The following CACNA2D3 variants were observed in gnomAD, a reference collection of about 807,000 sequenced individuals.
CACNA2D3 encodes calcium voltage-gated channel auxiliary subunit alpha2delta 3.
A neutral mutation model predicts 160.6 loss-of-function variants in CACNA2D3; 60 were observed. The ratio of observed to expected loss-of-function variants is 0.37; its 90% CI spans 0.30 to 0.46. CACNA2D3 has a LOEUF of 0.46. CACNA2D3 is among the 20% of genes least tolerant of loss of function. CACNA2D3 has a pLI of 1.00. For synonymous variants in CACNA2D3, 558 were observed against 492.9 expected (o/e 1.13, Z -1.75); for missense variants, 1,205 against 1,365.0 (o/e 0.88, Z 1.85).
intron 14 of CACNA2D3, among the ~76,000 whole-genome samples, chr3:54,821,624 T>G (rs1206414360): frequency 6.6e-6 from 1 of 151,644 alleles, no homozygotes; most frequent in Non-Finnish European, 1.5e-5. Context: ...GAAGCCTTCG[T>G]TTTTCTAGAG....
At chr3:54,355,466 G>T (rs532401763) in intron 3 of CACNA2D3, among the ~76,000 whole-genome samples, 1 of 152,282 alleles carries the variant, frequency 6.6e-6, no homozygotes, top group East Asian at 1.9e-4. Context: ...GAGATGGAGA[G>T]AGGTATGGTC....
intron 10 of CACNA2D3, 145 bp from the exon 11 acceptor site, chr3:54,641,983 C>T: frequency 2.0e-6 from 1 of 511,302 alleles, no homozygotes; most frequent in Non-Finnish European, 3.4e-6. Flanking sequence ...TGTGGAAAGA[C>T]TTTTTGTATA....
rs10677482 is a variant in CACNA2D3, at chr3:54,226,312, C to CTTTTTTT, written c.205-94117_205-94111dup. On this transcript the variant is annotated intron_variant, in intron 2 of 37. Coordinates refer to ENST00000474759, the MANE Select transcript of CACNA2D3 (RefSeq NM_018398.3). ...AATTCCCCGCCTCCTGCCCCTGATG[C>CTTTTTTT]TTTTTTTTTTTTTTTTTTTGGAGAC... Among the ~76,000 whole-genome samples, 54 of 106,876 alleles carry CTTTTTTT rather than the reference C, an allele frequency of 5.1e-4. 2 individuals carry two copies. The highest frequency in any genetic ancestry group is 1.8e-3 in the African/African-American group (48 of 26,456). 70.1% of individuals were successfully genotyped at this position (106,876 alleles called of 152,430 possible).
intron 3 of CACNA2D3, among the ~76,000 whole-genome samples, chr3:54,339,840 G>T (rs373620301): frequency 6.6e-6 from 1 of 152,178 alleles, no homozygotes; most frequent in African/African-American, 2.4e-5. Context: ...ACTCACTCCT[G>T]TTAATTACAG....
chr3:54,806,077 C>G (rs1453772159), intron 13 of CACNA2D3, among the ~76,000 whole-genome samples: 5 of 152,178 alleles, frequency 3.3e-5, no homozygotes, highest in African/African-American at 1.2e-4. Flanking sequence ...CTATCTATGA[C>G]AAACCCACAG....
chr3:55,051,684 G>T (rs1704220583), intron 35 of CACNA2D3, among the ~76,000 whole-genome samples: 1 of 152,200 alleles, frequency 6.6e-6, no homozygotes. Context: ...CTGGGCAATG[G>T]CGGGCGCCCC....
chr3:54,895,146 G>A (rs1460412329), intron 25 of CACNA2D3, among the ~76,000 whole-genome samples: 1 of 152,120 alleles, frequency 6.6e-6, no homozygotes, highest in Non-Finnish European at 1.5e-5. Context: ...TATTAACAAA[G>A]TAGAGCACTT....
rs142956958 is a variant in CACNA2D3, at chr3:54,956,613, TCCTACAGAC to T, written c.2450-11833_2450-11825del. ...TTAGGCTGTCATAAATTCCTGCTCA[TCCTACAGAC>T]CCTGCCTCTTTAGTGGAGAGCTCTT... On this transcript the variant is annotated intron_variant, in intron 27 of 37. Transcript: ENST00000474759. 5.7e-3 allele frequency among the ~76,000 whole-genome samples: 864 copies of T among 152,266 alleles called. 6 individuals carry two copies. Among genetic ancestry groups the T allele is most frequent in the African/African-American group, 0.02 (832 of 41,560 alleles).
At chr3:55,043,728 A>G (rs925069494) in intron 35 of CACNA2D3, among the ~76,000 whole-genome samples, 2 of 152,152 alleles carry the variant, frequency 1.3e-5, no homozygotes, top group Admixed American at 6.5e-5. Context: ...AGGTCACAAA[A>G]GTTTTTCTTC....
intron 8 of CACNA2D3, among the ~76,000 whole-genome samples, chr3:54,578,920 GGAGACTGAA>G (rs1702631417): frequency 6.6e-6 from 1 of 152,178 alleles, no homozygotes; most frequent in Non-Finnish European, 1.5e-5. Flanking sequence ...GCCCCCAGAG[GGAGACTGAA>G]GGTGAATTAG....
chr3:54,364,063 G>GC (rs1169771219), intron 3 of CACNA2D3, among the ~76,000 whole-genome samples: 2 of 152,202 alleles, frequency 1.3e-5, no homozygotes, highest in African/African-American at 4.8e-5. Context: ...TGGCGCCTGA[G>GC]CCCCTGCAGG....
chr3:55,056,196 T>C (rs1050693866), intron 35 of CACNA2D3, among the ~76,000 whole-genome samples: 10 of 152,146 alleles, frequency 6.6e-5, no homozygotes, highest in Non-Finnish European at 1.3e-4. Context: ...AATAGATCTA[T>C]GAAAAACATG....
intron 3 of CACNA2D3, among the ~76,000 whole-genome samples, chr3:54,322,639 G>GT (rs1463437027): frequency 6.6e-6 from 1 of 152,132 alleles, no homozygotes; most frequent in Admixed American, 6.5e-5. Flanking sequence ...AACAGTAAAT[G>GT]TTCAGTAAAC....
intron 27 of CACNA2D3, among the ~76,000 whole-genome samples, chr3:54,934,456 CT>C (rs2106964772): frequency 6.6e-6 from 1 of 152,222 alleles, no homozygotes; most frequent in Admixed American, 6.5e-5. Flanking sequence ...CAAGGAATGC[CT>C]AGGATTATTC....
At chr3:54,479,990 C>G (rs533372975) in intron 4 of CACNA2D3, among the ~76,000 whole-genome samples, 1 of 152,068 alleles carries the variant, frequency 6.6e-6, no homozygotes, top group African/African-American at 2.4e-5. Flanking sequence ...CAATCTTTAG[C>G]CAAAATATGA....
chr3:54,718,560 T>C (rs1701107226), intron 11 of CACNA2D3, among the ~76,000 whole-genome samples: 1 of 152,090 alleles, frequency 6.6e-6, no homozygotes, highest in Admixed American at 6.5e-5. Context: ...ATGTTTGTAC[T>C]CTGTTTTAAT....
intron 16 of CACNA2D3, among the ~76,000 whole-genome samples, chr3:54,840,234 C>T (rs1698789180): frequency 6.6e-6 from 1 of 152,054 alleles, no homozygotes; most frequent in Non-Finnish European, 1.5e-5. Flanking sequence ...TCCTTTGTGT[C>T]CATTTCTCCA....
intron 35 of CACNA2D3, among the ~76,000 whole-genome samples, chr3:55,059,682 G>C (rs555201452): frequency 6.6e-6 from 1 of 152,152 alleles, no homozygotes; most frequent in Non-Finnish European, 1.5e-5. Context: ...TGGTACCCGG[G>C]TTCTTGTCCA....
chr3:54,246,827 G>A (rs1702091041), intron 2 of CACNA2D3, among the ~76,000 whole-genome samples: 1 of 152,174 alleles, frequency 6.6e-6, no homozygotes, highest in Non-Finnish European at 1.5e-5. Context: ...GAGCTCTGAA[G>A]TGAGAAAAGC....
Sources: gnomAD v4.1 joint callset for allele counts (sites outside exome capture counted in the v4.1 genomes callset) on GRCh38, gnomAD v4.1.1 for gene constraint, MANE v1.5 for transcripts, NCBI Gene and HGNC (gene_info 2026-07-23, HGNC 2026-07-21) for gene names.